Variants in NAGLU observed in about 807,000 individuals in gnomAD.
NAGLU encodes alpha-N-acetylglucosaminidase.
In NAGLU, 34 loss-of-function variants were observed where a neutral mutation model predicts 43.4. The ratio of observed to expected loss-of-function variants is 0.78; its 90% CI spans 0.60 to 1.04. The LOEUF (loss-of-function observed/expected upper bound fraction) is 1.04, where lower values mean the gene tolerates loss of function less well. Among genes scored for constraint, NAGLU ranks in the 50% least tolerant of loss-of-function variants. NAGLU has a pLI of 0.00. For synonymous variants in NAGLU, 425 were observed against 437.6 expected (o/e 0.97, Z 0.36); for missense variants, 910 against 993.7 (o/e 0.92, Z 1.13).
intron 1 of NAGLU, chr17:42,536,957 T>C: frequency 1.9e-6 from 1 of 516,948 alleles, no homozygotes; most frequent in East Asian, 4.0e-5. Context: ...TCCCCCACCT[T>C]CTCTTTGAAC....
In NAGLU at chr17:42,540,709, AAAAG is replaced by A. The variant is rs1268183317; in HGVS notation, c.765-233_765-230del. On this transcript the variant is annotated intron_variant, in intron 4 of 5. Coordinates refer to ENST00000225927, the MANE Select transcript of NAGLU (RefSeq NM_000263.4). ...AGACTCTGCCTCAAAAAAAAAAAAA[AAAAG>A]AAAGAAAAAGGAGCGTTGCTTGTTT... Among the ~76,000 whole-genome samples, 538 of 151,696 alleles carry A rather than the reference AAAAG, an allele frequency of 3.5e-3. 5 individuals are homozygous for A. The highest frequency in any genetic ancestry group is 0.011 in the African/African-American group (457 of 41,328).
Position 42,537,541 on chromosome 17 carries a change from A to G in NAGLU, c.527A>G (p.Gln176Arg), listed in dbSNP as rs1245652816. The G allele has an allele frequency of 6.2e-7, 1 of 1,613,822 alleles. No individual in the cohort carries two copies. The highest frequency in any genetic ancestry group is 8.5e-7 in the Non-Finnish European group (1 of 1,179,976). Reference protein sequence around the residue: ...LAWSGQEAIWQRVYLALGLTQ... With the variant: ...LAWSGQEAIWRRVYLALGLTQ... Reference sequence around the variant, plus strand: ...TGGAGCGGCCAGGAGGCCATCTGGCAGCGGGTGCGTGCCCACTGTCCCTTC... The same window carrying G: ...TGGAGCGGCCAGGAGGCCATCTGGCGGCGGGTGCGTGCCCACTGTCCCTTC... The change falls in exon 2 of 6, where the codon CAG becomes CGG. Residue 176 changes from glutamine (Q) to arginine (R), a missense_variant. Transcript: ENST00000225927.
At position 42,536,480 on chromosome 17, in the gene NAGLU, G is replaced by A; in HGVS notation, c.208G>A (p.Gly70Ser). ...PGLDTYSLGG[G>S]GAARVRVRGS... ...CTTGGACACCTACAGCCTGGGCGGCGGCGGCGCGGCGCGCGTGCGGGTGCG... is the reference window on the plus strand; with the variant it reads ...CTTGGACACCTACAGCCTGGGCGGCAGCGGCGCGGCGCGCGTGCGGGTGCG... The change falls in exon 1 of 6, where the codon GGC becomes AGC. Residue 70 changes from glycine (G) to serine (S), a missense_variant. Transcript: ENST00000225927. The A allele has an allele frequency of 8.2e-7, 1 of 1,214,482 alleles. No individual in the cohort carries two copies. Among genetic ancestry groups the A allele is most frequent in the Admixed American group, 4.3e-5 (1 of 23,054 alleles). 75.2% of individuals were successfully genotyped at this position (1,214,482 alleles called of 1,614,324 possible).
chr17:42,536,793 T>G, intron 1 of NAGLU, 138 bp downstream of exon 1: 3 of 1,329,194 alleles, frequency 2.3e-6, no homozygotes, highest in Non-Finnish European at 1.9e-6. Flanking sequence ...TGTGTGGCCT[T>G]GAGCCAGCCA....
chr17:42,543,168 C>T lies in NAGLU; in HGVS notation c.1162C>T (p.Gln388Ter), dbSNP rs879111128. 2 of 1,614,180 alleles carry T rather than the reference C, an allele frequency of 1.2e-6. No individual in the cohort carries two copies. The highest frequency in any genetic ancestry group is 2.2e-5 in the South Asian group (2 of 91,088). The change falls in exon 6 of 6, where the codon CAG becomes TAG. Residue 388 changes from glutamine (Q) to a stop codon, truncating the protein, a stop_gained. Transcript: ENST00000225927. LOFTEE classifies it high-confidence loss of function. ...LLVLDLFAES[Q>*]PVYTRTASFQ... ...GGTTCTGGACCTGTTTGCTGAGAGCCAGCCTGTGTATACCCGCACTGCCTC... is the reference window on the plus strand; with the variant it reads ...GGTTCTGGACCTGTTTGCTGAGAGCTAGCCTGTGTATACCCGCACTGCCTC...
chr17:42,536,854 G>A (rs2092907816), intron 1 of NAGLU, 199 bp downstream of exon 1: 1 of 1,063,004 alleles, frequency 9.4e-7, no homozygotes, highest in Non-Finnish European at 1.2e-6. Flanking sequence ...GAAAGAAGAC[G>A]CCTACCGTGC....
At chr17:42,540,717 GAAAA>G (rs1278103830) in intron 4 of NAGLU, among the ~76,000 whole-genome samples, 1 of 149,628 alleles carries the variant, frequency 6.7e-6, no homozygotes, top group Non-Finnish European at 1.5e-5. Flanking sequence ...AAAAAAGAAA[GAAAA>G]AGGAGCGTTG....
rs746106558 is a variant in NAGLU, at chr17:42,537,390, G to A, written c.384-8G>A. 3.1e-6 allele frequency: 5 copies of A among 1,614,060 alleles called. No individual in the cohort carries two copies. The South Asian group carries it at 5.5e-5, about 18-fold the overall frequency. ...GGGATGCGCCCCTGCTCATGACACTGCCCGCAGGTACCGCTATTACCAGAA... is the reference window on the plus strand; with the variant it reads ...GGGATGCGCCCCTGCTCATGACACTACCCGCAGGTACCGCTATTACCAGAA... On this transcript the variant is annotated splice_polypyrimidine_tract_variant and splice_region_variant and intron_variant, in intron 1 of 5. Coordinates refer to ENST00000225927, the MANE Select transcript of NAGLU (RefSeq NM_000263.4).
rs376582504 is a variant in NAGLU at position 42,543,058 on chromosome 17, G to C, written c.1052G>C (p.Gly351Ala). ...ACTGAGGCTGTGTGGCTGCTCCAAG[G>C]CTGGCTCTTCCAGCACCAGCCGCAG... ...VDTEAVWLLQ[G>A]WLFQHQPQFW... The change falls in exon 6 of 6, where the codon GGC (glycine) becomes GCC (alanine). Residue 351 changes from glycine to alanine, a missense_variant. Gly to Ala is a moderately conservative substitution (Grantham distance 60, BLOSUM62 0). Transcript: ENST00000225927. The C allele has an allele frequency of 1.2e-6, 2 of 1,606,330 alleles. No homozygotes were observed. The highest frequency in any genetic ancestry group is 2.7e-5 in the African/African-American group (2 of 74,952).
chr17:42,536,519 G>T lies in NAGLU; in HGVS notation c.247G>T (p.Val83Leu). The change falls in exon 1 of 6, where the codon GTG becomes TTG. Residue 83 changes from valine (V) to leucine (L), a missense_variant. Val to Leu is a conservative substitution (Grantham distance 32, BLOSUM62 1). Coordinates refer to ENST00000225927, the MANE Select transcript of NAGLU (RefSeq NM_000263.4). ...ARVRVRGSTG[V>L]AAAAGLHRYL... ...CGTGCGGGTGCGCGGCTCCACGGGC[G>T]TGGCGGCCGCCGCGGGGCTGCACCG... 4 of 1,301,636 alleles carry T rather than the reference G, an allele frequency of 3.1e-6. No individual in the cohort carries two copies. Among genetic ancestry groups the T allele is most frequent in the Non-Finnish European group, 3.9e-6 (4 of 1,026,356 alleles). 80.6% of individuals were successfully genotyped at this position (1,301,636 alleles called of 1,614,324 possible). A position where few individuals can be genotyped will look rare whatever the true frequency, so the allele number is the denominator to read the frequency against.
Position 42,543,569 on chromosome 17 carries a change from G to A in NAGLU, c.1563G>A (p.Pro521=), listed in dbSNP as rs61737297. The A allele has an allele frequency of 5.1e-4, 824 of 1,612,376 alleles. 5 individuals are homozygous for A. The African/African-American group carries it at 9.1e-3, about 18-fold the overall frequency. Residue 521 remains proline, a synonymous_variant, in exon 6 of 6, where the codon CCG becomes CCA. Transcript: ENST00000225927. ...ATCGTAGCCCGCTGGTCAGGCGGCC[G>A]TCCCTACAGATGAATACCAGCATCT... ...GHNRSPLVRR[P]SLQMNTSIWY... is the part of the protein sequence containing the mutation.
rs908141983 is a variant in NAGLU at position 42,537,860 on chromosome 17, TAAAAAAA to T, written c.531+329_531+335del. 1.0e-4 allele frequency among the ~76,000 whole-genome samples: 11 copies of T among 109,040 alleles called. No individual in the cohort carries two copies. In the East Asian group the frequency reaches 1.3e-3, roughly 13 times the overall value. 71.5% of individuals were successfully genotyped at this position (109,040 alleles called of 152,430 possible). ...CTGGGCAACAGAGCGAGACTCTGTC[TAAAAAAA>T]AAAAAAAAAAAAACTGAGGCTTCCA... On this transcript the variant is annotated intron_variant, in intron 2 of 5. Coordinates refer to ENST00000225927, the MANE Select transcript of NAGLU (RefSeq NM_000263.4).
intron 1 of NAGLU, chr17:42,537,047 GT>G (rs2092908330): frequency 2.2e-6 from 1 of 458,956 alleles, no homozygotes; most frequent in Non-Finnish European, 4.0e-6. Context: ...GGAGTGATGT[GT>G]TCACACAGCT....
At chr17:42,539,518 C>T (rs1032029918) in intron 4 of NAGLU, among the ~76,000 whole-genome samples, 3 of 152,274 alleles carry the variant, frequency 2.0e-5, no homozygotes, top group African/African-American at 4.8e-5. Context: ...CTCCCATACT[C>T]TCGTAGGACT....
In NAGLU at chr17:42,538,243, A is replaced by G. The variant is rs2676533; in HGVS notation, c.532-96A>G. ...CGGATTTTGTCTCAGTAGCCCTAGC[A>G]CCCAGCACAAAGAAGCAATGAGTGA... is the stretch of plus-strand genomic sequence containing the variant. On this transcript the variant is annotated intron_variant, in intron 2 of 5. Coordinates refer to ENST00000225927, the MANE Select transcript of NAGLU (RefSeq NM_000263.4). The G allele has an allele frequency of 0.087, 139,056 of 1,590,724 alleles. 8,680 individuals carry two copies. Among genetic ancestry groups the G allele is most frequent in the African/African-American group, 0.31 (23,316 of 74,472 alleles).
Position 42,543,889 on chromosome 17 carries a change from C to T in NAGLU, c.1883C>T (p.Ala628Val), listed in dbSNP as rs535336259. ...AGCTGGCTAGAGCAGGCCCGAGCAGCGGCAGTCAGTGAGGCCGAGGCCGAT... is the reference window on the plus strand; with the variant it reads ...AGCTGGCTAGAGCAGGCCCGAGCAGTGGCAGTCAGTGAGGCCGAGGCCGAT... ...LGSWLEQARA[A>V]AVSEAEADFY... Residue 628 changes from alanine (A) to valine (V), a missense_variant, in exon 6 of 6, where the codon GCG (alanine) becomes GTG (valine). Coordinates refer to ENST00000225927, the MANE Select transcript of NAGLU (RefSeq NM_000263.4). The T allele has an allele frequency of 1.2e-5, 19 of 1,604,758 alleles. No individual in the cohort carries two copies. The highest frequency in any genetic ancestry group is 5.1e-5 in the Admixed American group (3 of 58,536).
rs1469652046 is a variant in NAGLU, at chr17:42,543,851, C to T, written c.1845C>T (p.Arg615=). 6.2e-7 allele frequency: 1 copy of T among 1,600,964 alleles called. No individual in the cohort carries two copies. The highest frequency in any genetic ancestry group is 8.5e-7 in the Non-Finnish European group (1 of 1,174,184). The part of the protein sequence containing the change: ...ALDEVLASDS[R]FLLGSWLEQA... Reference sequence around the variant, plus strand: ...ACGAGGTGCTGGCTAGTGACAGCCGCTTCTTGCTGGGCAGCTGGCTAGAGC... The same window carrying T: ...ACGAGGTGCTGGCTAGTGACAGCCGTTTCTTGCTGGGCAGCTGGCTAGAGC... The change falls in exon 6 of 6, where the codon CGC becomes CGT. Residue 615 remains arginine (R), a synonymous_variant. Coordinates refer to ENST00000225927, the MANE Select transcript of NAGLU (RefSeq NM_000263.4).
At chr17:42,540,588 A>C (rs527469841) in intron 4 of NAGLU, among the ~76,000 whole-genome samples, 106 of 150,238 alleles carry the variant, frequency 7.1e-4, no homozygotes, top group African/African-American at 2.4e-3. Context: ...CCCAGCTACT[A>C]GGGAGGCTGA....
At chr17:42,537,924 C>A (rs2092911459) in intron 2 of NAGLU, among the ~76,000 whole-genome samples, 1 of 152,130 alleles carries the variant, frequency 6.6e-6, no homozygotes, top group Non-Finnish European at 1.5e-5. Flanking sequence ...CCCCCATCTC[C>A]CCTATGCAGC....
Sources: gnomAD v4.1 joint callset for allele counts (sites outside exome capture counted in the v4.1 genomes callset) on GRCh38, gnomAD v4.1.1 for gene constraint, MANE v1.5 for transcripts, NCBI Gene and HGNC (gene_info 2026-07-23, HGNC 2026-07-21) for gene names.